Variants in PLAAT5 observed in about 807,000 individuals in gnomAD.
PLAAT5 encodes the protein phospholipase A and acyltransferase 5.
A neutral mutation model predicts 27.8 loss-of-function variants in PLAAT5; 27 were observed. The ratio of observed to expected loss-of-function variants is 0.97; its 90% confidence interval spans 0.72 to 1.34. The LOEUF (loss-of-function observed/expected upper bound fraction) is 1.34. Ranked by LOEUF, PLAAT5 falls within the 40% of genes most tolerant of loss-of-function variation. The probability of loss-of-function intolerance (pLI) is 0.00; values close to 1 mark genes in which losing one functional copy is unlikely to be tolerated. For missense variants in PLAAT5, 368 were observed against 343.8 expected (o/e 1.07, Z -0.56); for synonymous variants, 125 against 136.1 (o/e 0.92, Z 0.57).
intron 3 of PLAAT5, among the ~76,000 whole-genome samples, chr11:63,476,410 T>G (rs750374198): frequency 6.6e-6 from 1 of 152,198 alleles, no homozygotes; most frequent in Non-Finnish European, 1.5e-5. Flanking sequence ...TAGCCACAAA[T>G]TCTCTCATTC....
chr11:63,473,018 G>A (rs904892756), intron 3 of PLAAT5, among the ~76,000 whole-genome samples: 5 of 151,994 alleles, frequency 3.3e-5, no homozygotes, highest in Non-Finnish European at 7.4e-5. Context: ...GCTGAGGCAC[G>A]AGAATCGCTT....
intron 3 of PLAAT5, among the ~76,000 whole-genome samples, chr11:63,486,995 G>T (rs1472962765): frequency 6.6e-6 from 1 of 152,146 alleles, no homozygotes; most frequent in African/African-American, 2.4e-5. Flanking sequence ...TTCTTTGGCG[G>T]TCTCCTTCAT....
chr11:63,468,039 G>A (rs1296979802), intron 4 of PLAAT5, among the ~76,000 whole-genome samples: 3 of 152,226 alleles, frequency 2.0e-5, no homozygotes, highest in Non-Finnish European at 4.4e-5. Context: ...TCAGAAAGAT[G>A]AGGATAGATG....
intron 1 of PLAAT5, chr11:63,490,545 C>G: frequency 1.3e-6 from 1 of 741,498 alleles, no homozygotes; most frequent in Non-Finnish European, 2.2e-6. Flanking sequence ...CTTTGGGATT[C>G]CTGGGAACGG....
chr11:63,491,154 C>T lies in PLAAT5; in HGVS notation c.-120G>A, dbSNP rs1011822110. 3.7e-5 allele frequency: 32 copies of T among 871,934 alleles called. No homozygotes were observed. Among genetic ancestry groups the T allele is most frequent in the Non-Finnish European group, 4.4e-5 (28 of 635,362 alleles). 54.0% of individuals were successfully genotyped at this position (871,934 alleles called of 1,614,324 possible). ...GGAAGCTTGGGCACTGGGGGCGGCT[C>T]GGGGAGGAACCGCGGAGGGGAAAGC... On this transcript the variant is annotated 5_prime_UTR_variant, in exon 1 of 6. Transcript: ENST00000540857.
At chr11:63,485,615 A>G (rs917521549) in intron 3 of PLAAT5, among the ~76,000 whole-genome samples, 3 of 152,238 alleles carry the variant, frequency 2.0e-5, no homozygotes, top group African/African-American at 7.2e-5. Context: ...ACCTTCTACA[A>G]AAATCAACTC....
At position 63,461,863 on chromosome 11, in the gene PLAAT5, A is replaced by G. The variant is rs2015727023; in HGVS notation, c.*1640T>C. The G allele has an allele frequency of 6.6e-6, 1 of 152,184 alleles. No individual in the cohort carries two copies. The highest frequency in any genetic ancestry group is 6.5e-5 in the Admixed American group (1 of 15,268). The allele number at this position is 152,184 out of a possible 1,614,324, so 9.4% of individuals were successfully genotyped here. On this transcript the variant is annotated 3_prime_UTR_variant, in exon 6 of 6. Transcript: ENST00000540857. ...GGTTTGGCACTTGGGAGACACTCAA[A>G]AATATTTTTTGGACAAACAAGTGAA...
Position 63,483,799 on chromosome 11 carries a change from A to ATG in PLAAT5, c.345+5070_345+5071dup, listed in dbSNP as rs1555028204. ...GCAAAAAAAAAATATATATATATAT[A>ATG]TGTATATATATATATATATATATAT... On this transcript the variant is annotated intron_variant, in intron 3 of 5. Transcript: ENST00000540857. 1.4e-3 allele frequency among the ~76,000 whole-genome samples: 71 copies of ATG among 50,792 alleles called. 1 individual carries two copies. The highest frequency in any genetic ancestry group is 7.6e-3 in the Middle Eastern group (1 of 132). 33.3% of individuals were successfully genotyped at this position (50,792 alleles called of 152,430 possible).
intron 3 of PLAAT5, among the ~76,000 whole-genome samples, chr11:63,485,356 C>T (rs1057226910): frequency 1.1e-4 from 17 of 152,176 alleles, no homozygotes; most frequent in African/African-American, 4.1e-4. Flanking sequence ...AATCTTGAGG[C>T]ATCACATTAC....
intron 1 of PLAAT5, 111 bp from the exon 2 acceptor site, chr11:63,490,444 C>T (rs529119022): frequency 4.5e-6 from 7 of 1,566,840 alleles, no homozygotes; most frequent in East Asian, 2.2e-5. Context: ...CGTGCCTGGC[C>T]CCTGGTTAGG....
chr11:63,484,457 G>T (rs1043146756), intron 3 of PLAAT5, among the ~76,000 whole-genome samples: 9 of 152,108 alleles, frequency 5.9e-5, no homozygotes, highest in African/African-American at 2.2e-4. Flanking sequence ...GATCAAGTGG[G>T]TTTTATAGCA....
chr11:63,481,394 C>T (rs1358144002), intron 3 of PLAAT5, among the ~76,000 whole-genome samples: 5 of 152,178 alleles, frequency 3.3e-5, no homozygotes, highest in African/African-American at 7.2e-5. Flanking sequence ...GAGCCAAGAT[C>T]GTGCCATTGC....
rs531951725 is a variant in PLAAT5 at position 63,474,830 on chromosome 11, G to A, written c.346-6365C>T. ...AAATTTTCCTCTAAGCACTTCAGCT[G>A]CATCTCATAAAATTGATATGTTCTG... is the stretch of plus-strand genomic sequence containing the variant. On this transcript the variant is annotated intron_variant, in intron 3 of 5. Transcript: ENST00000540857. 7.2e-5 allele frequency among the ~76,000 whole-genome samples: 11 copies of A among 152,036 alleles called. No individual in the cohort carries two copies. In the South Asian group the frequency reaches 2.3e-3, roughly 32 times the overall value.
At position 63,487,564 on chromosome 11, in the gene PLAAT5, GA is replaced by G. The variant is rs140955404; in HGVS notation, c.345+1306del. 3.4e-4 allele frequency among the ~76,000 whole-genome samples: 50 copies of G among 145,966 alleles called. No individual in the cohort carries two copies. The East Asian group carries it at 3.6e-3, about 10-fold the overall frequency. On this transcript the variant is annotated intron_variant, in intron 3 of 5. Transcript: ENST00000540857. ...GGCAGGCTTGGAAAGCCCCAAAAAA[GA>G]AAAAAAAAATGTTAAGGAAAACAGT...
intron 3 of PLAAT5, among the ~76,000 whole-genome samples, chr11:63,480,485 T>C (rs1205408223): frequency 2.6e-5 from 4 of 152,232 alleles, no homozygotes; most frequent in Admixed American, 2.6e-4. Context: ...GATGAGGTAG[T>C]AAGGTATAAA....
intron 3 of PLAAT5, among the ~76,000 whole-genome samples, chr11:63,468,796 C>A (rs1035898644): frequency 2.0e-5 from 3 of 152,176 alleles, no homozygotes; most frequent in Non-Finnish European, 2.9e-5. Context: ...AGATGTTAAA[C>A]CTTCTCAGTA....
intron 5 of PLAAT5, among the ~76,000 whole-genome samples, chr11:63,464,996 G>C (rs11231497): frequency 0.25 from 37,423 of 152,092 alleles, 5,936 homozygotes; most frequent in Middle Eastern, 0.4. Flanking sequence ...AGAAAGCTGA[G>C]GGCCAGGCTC....
intron 3 of PLAAT5, among the ~76,000 whole-genome samples, chr11:63,482,497 T>C (rs1361771704): frequency 6.6e-6 from 1 of 152,202 alleles, no homozygotes; most frequent in African/African-American, 2.4e-5. Context: ...GCCAAGAATT[T>C]TGTATCCAGC....
intron 5 of PLAAT5, 78 bp downstream of exon 5, chr11:63,466,032 C>A: frequency 7.0e-7 from 1 of 1,419,640 alleles, no homozygotes; most frequent in Non-Finnish European, 9.6e-7. Flanking sequence ...GCCCTGATTA[C>A]CATTCTGATC....
Sources: gnomAD v4.1 joint callset for allele counts (sites outside exome capture counted in the v4.1 genomes callset) on GRCh38, gnomAD v4.1.1 for gene constraint, MANE v1.5 for transcripts, NCBI Gene and HGNC (gene_info 2026-07-23, HGNC 2026-07-21) for gene names.